Variants in LOC128092252 observed in about 807,000 individuals in gnomAD.
chr15:50,676,037 A>C, the LOC128092252 span, among the ~76,000 whole-genome samples: 2 of 152,242 alleles, frequency 1.3e-5, no homozygotes, highest in African/African-American at 4.8e-5. Flanking sequence ...AAAATGATCC[A>C]TGTAAGTTGT....
At chr15:50,659,142 G>T in the LOC128092252 span, among the ~76,000 whole-genome samples, 1 of 150,886 alleles carries the variant, frequency 6.6e-6, no homozygotes. Context: ...AGCTTGCAGT[G>T]AGACTACGCC....
the LOC128092252 span, among the ~76,000 whole-genome samples, chr15:50,674,226 T>C: frequency 1.3e-5 from 2 of 152,158 alleles, no homozygotes; most frequent in African/African-American, 4.8e-5. Flanking sequence ...TGACCTCAAG[T>C]GATCCATCTG....
chr15:50,676,138 C>T, the LOC128092252 span, among the ~76,000 whole-genome samples: 9 of 152,104 alleles, frequency 5.9e-5, no homozygotes, highest in African/African-American at 1.4e-4. Context: ...CACCAGTCTA[C>T]CAGCAATAAG....
chr15:50,686,153 G>C, the LOC128092252 span, among the ~76,000 whole-genome samples: 1 of 152,334 alleles, frequency 6.6e-6, no homozygotes, highest in South Asian at 2.1e-4. Flanking sequence ...CTGGCGCCAG[G>C]AGGACCGTGC....
the LOC128092252 span, among the ~76,000 whole-genome samples, chr15:50,668,491 T>C: frequency 1.1e-4 from 16 of 152,274 alleles, no homozygotes; most frequent in East Asian, 2.7e-3. Context: ...TCTTAACTTA[T>C]GGCAATAGAT....
the LOC128092252 span, among the ~76,000 whole-genome samples, chr15:50,680,729 A>C: frequency 2.6e-5 from 4 of 152,294 alleles, no homozygotes; most frequent in South Asian, 2.1e-4. Context: ...TTTTAAAAAA[A>C]ACCTTAACTT....
At chr15:50,665,547 TATA>T in the LOC128092252 span, among the ~76,000 whole-genome samples, 6 of 152,202 alleles carry the variant, frequency 3.9e-5, no homozygotes, top group Admixed American at 3.9e-4. Flanking sequence ...CAACACTTTA[TATA>T]ACTTGAGGAT....
chr15:50,674,867 C>T, the LOC128092252 span, among the ~76,000 whole-genome samples: 1 of 152,170 alleles, frequency 6.6e-6, no homozygotes, highest in Non-Finnish European at 1.5e-5. Context: ...CCCTCTACTA[C>T]ATCCCATAGT....
At chr15:50,686,657 A>G in the LOC128092252 span, 1 of 1,381,648 alleles carries the variant, frequency 7.2e-7, no homozygotes, top group East Asian at 2.5e-5. Context: ...AGGAACGCCC[A>G]GGGAAACCTT....
the LOC128092252 span, chr15:50,648,856 T>C: frequency 5.0e-6 from 8 of 1,611,904 alleles, no homozygotes; most frequent in Non-Finnish European, 6.8e-6. Flanking sequence ...AAAACAAGCA[T>C]GTTGCTTGAC....
At chr15:50,650,689 G>A in the LOC128092252 span, among the ~76,000 whole-genome samples, 3 of 149,572 alleles carry the variant, frequency 2.0e-5, no homozygotes, top group East Asian at 4.0e-4. Flanking sequence ...AGCAAGACTG[G>A]GTCTCAAAAA....
At chr15:50,662,940 C>T in the LOC128092252 span, 1 of 1,531,338 alleles carries the variant, frequency 6.5e-7, no homozygotes, top group Admixed American at 1.8e-5. Context: ...TTCTAGAAGA[C>T]CCCAGAAGTA....
chr15:50,660,018 T>C, the LOC128092252 span, among the ~76,000 whole-genome samples: 4 of 152,092 alleles, frequency 2.6e-5, no homozygotes, highest in Non-Finnish European at 4.4e-5. Context: ...GGAAGAAAAA[T>C]GGTATTTTAT....
At chr15:50,680,650 G>C in the LOC128092252 span, among the ~76,000 whole-genome samples, 3 of 151,262 alleles carry the variant, frequency 2.0e-5, no homozygotes, top group Non-Finnish European at 4.4e-5. Flanking sequence ...TGATAGTAAA[G>C]GAAATTCTAT....
At chr15:50,683,924 A>G in the LOC128092252 span, among the ~76,000 whole-genome samples, 2 of 151,598 alleles carry the variant, frequency 1.3e-5, no homozygotes, top group Non-Finnish European at 2.9e-5. Flanking sequence ...TGAATGGCGC[A>G]ATCTTGGCTC....
At chr15:50,671,430 T>C in the LOC128092252 span, among the ~76,000 whole-genome samples, 4 of 152,204 alleles carry the variant, frequency 2.6e-5, no homozygotes, top group East Asian at 3.8e-4. Context: ...CATACTGTCA[T>C]GTGCCACATA....
chr15:50,676,034 T>C, the LOC128092252 span, among the ~76,000 whole-genome samples: 1 of 152,194 alleles, frequency 6.6e-6, no homozygotes, highest in African/African-American at 2.4e-5. Flanking sequence ...AACAAAATGA[T>C]CCATGTAAGT....
At chr15:50,666,403 C>T in the LOC128092252 span, among the ~76,000 whole-genome samples, 5 of 151,420 alleles carry the variant, frequency 3.3e-5, no homozygotes, top group Middle Eastern at 6.9e-3. Flanking sequence ...ATCATGCCAC[C>T]GTACTCCAGC....
At chr15:50,685,436 G>A in the LOC128092252 span, among the ~76,000 whole-genome samples, 1 of 152,210 alleles carries the variant, frequency 6.6e-6, no homozygotes, top group African/African-American at 2.4e-5. Flanking sequence ...CAGCCTGGGC[G>A]ACAGAGTGAG....
Sources: allele counts gnomAD v4.1 joint callset (sites outside exome capture counted in the v4.1 genomes callset), GRCh38; gene constraint gnomAD v4.1.1; transcripts MANE v1.5.